Variants in SETD2 observed in about 807,000 individuals in gnomAD.
The protein encoded by SETD2 is histone-lysine N-methyltransferase SETD2.
In SETD2, 31 loss-of-function variants were observed where a neutral mutation model predicts 242.1. The ratio of observed to expected loss-of-function variants is 0.13; its 90% CI spans 0.10 to 0.17. The LOEUF (loss-of-function observed/expected upper bound fraction) is 0.17, where lower values mean the gene tolerates loss of function less well. Ranked by LOEUF, SETD2 falls within the 10% of genes least tolerant of loss-of-function variation. The pLI is 1.00. For missense variants in SETD2, 2,481 were observed against 3,046.3 expected, an observed-to-expected ratio of 0.81 and a Z score of 4.37; for synonymous variants, 1,006 against 1,066.5, an observed-to-expected ratio of 0.94 and a Z score of 1.11.
At chr3:47,145,153 T>G (rs555156646) in intron 1 of SETD2, among the ~76,000 whole-genome samples, 1 of 152,042 alleles carries the variant, frequency 6.6e-6, no homozygotes, top group East Asian at 1.9e-4. Flanking sequence ...TGAAAAAAAC[T>G]GCAGGTTGAG....
intron 11 of SETD2, among the ~76,000 whole-genome samples, chr3:47,085,771 T>G (rs925178221): frequency 1.3e-5 from 2 of 152,218 alleles, no homozygotes; most frequent in African/African-American, 4.8e-5. Context: ...TTTAAAACAC[T>G]TATTTAAAAG....
At chr3:47,034,841 G>A (rs1575665277) in intron 18 of SETD2, among the ~76,000 whole-genome samples, 1 of 152,212 alleles carries the variant, frequency 6.6e-6, no homozygotes, top group Admixed American at 6.5e-5. Context: ...GTGCTGAATA[G>A]GAACTCAAAT....
intron 1 of SETD2, among the ~76,000 whole-genome samples, chr3:47,128,474 A>G (rs1218117032): frequency 1.3e-5 from 2 of 152,258 alleles, no homozygotes; most frequent in African/African-American, 4.8e-5. Context: ...TCTGTTTTCA[A>G]TGTTCCTGAA....
intron 1 of SETD2, among the ~76,000 whole-genome samples, chr3:47,132,095 C>T (rs983490475): frequency 6.6e-6 from 1 of 150,788 alleles, no homozygotes; most frequent in Non-Finnish European, 1.5e-5. Context: ...TATTCTTATT[C>T]GAAAACTTTG....
In SETD2 at chr3:47,123,458, C is replaced by T. The variant is rs888313435; in HGVS notation, c.1178G>A (p.Arg393Gln). The T allele has an allele frequency of 1.0e-5, 16 of 1,551,344 alleles. No individual in the cohort carries two copies. Among genetic ancestry groups the T allele is most frequent in the Admixed American group, 2.0e-5 (1 of 50,956 alleles). ...CCGTCGCTCTCTTTCTGATCTACAT[C>T]GGGAAGATACATACCGAGTATCTCT... is the stretch of plus-strand genomic sequence containing the variant. ...LERDTRYVSS[R>Q]CRSERERRRS... is the part of the protein sequence containing the mutation. The change falls in exon 3 of 21, where the codon CGA (arginine) becomes CAA (glutamine). Residue 393 changes from arginine (R) to glutamine (Q), a missense_variant. Physicochemically the swap from Arg to Gln is conservative, Grantham distance 43. This residue lies in a region of SETD2 where 1,300 missense variants were observed against 1,259.2 expected (regional missense o/e 1.03). Coordinates refer to ENST00000409792, the MANE Select transcript of SETD2 (RefSeq NM_014159.7).
intron 1 of SETD2, among the ~76,000 whole-genome samples, chr3:47,162,839 G>A (rs1697531271): frequency 6.6e-6 from 1 of 152,186 alleles, no homozygotes; most frequent in Admixed American, 6.6e-5. Context: ...AGGGTTCAGG[G>A]AAAGAAGTGA....
chr3:47,025,357 T>A (rs2038426876), intron 18 of SETD2, among the ~76,000 whole-genome samples: 1 of 152,172 alleles, frequency 6.6e-6, no homozygotes, highest in Admixed American at 6.5e-5. Context: ...GCCTAACTAT[T>A]AACACTCTCC....
At chr3:47,057,600 C>G (rs942866750) in intron 14 of SETD2, 110 bp from the exon 15 acceptor site, 1 of 742,694 alleles carries the variant, frequency 1.3e-6, no homozygotes, top group Non-Finnish European at 2.2e-6. Context: ...ACATCAAACC[C>G]TATTTGGCAC....
chr3:47,066,923 C>T, intron 13 of SETD2, 147 bp downstream of exon 13: 2 of 608,416 alleles, frequency 3.3e-6, no homozygotes, highest in East Asian at 2.8e-5. Flanking sequence ...CACAAGTTTC[C>T]AAACTTTTAC....
intron 2 of SETD2, 118 bp from the exon 3 acceptor site, chr3:47,124,666 G>C: frequency 1.2e-6 from 1 of 831,488 alleles, no homozygotes; most frequent in Non-Finnish European, 1.8e-6. Flanking sequence ...CAAATAGTAT[G>C]AATTTCACTA....
At chr3:47,111,972 TTA>T (rs2042669397) in intron 5 of SETD2, among the ~76,000 whole-genome samples, 1 of 152,308 alleles carries the variant, frequency 6.6e-6, no homozygotes, top group East Asian at 1.9e-4. Context: ...GAAAGAATAG[TTA>T]TGTCTAAGTT....
intron 1 of SETD2, among the ~76,000 whole-genome samples, chr3:47,141,741 A>G (rs368780273): frequency 2.0e-5 from 3 of 152,214 alleles, no homozygotes; most frequent in East Asian, 1.9e-4. Flanking sequence ...AGTTTCTAGC[A>G]TAAGTTACCA....
intron 16 of SETD2, among the ~76,000 whole-genome samples, chr3:47,045,616 C>T (rs537300145): frequency 3.4e-5 from 5 of 145,042 alleles, no homozygotes; most frequent in East Asian, 2.1e-4. Context: ...GAGAATCACT[C>T]GAACCCAGGA....
In SETD2 at chr3:47,046,550, C is replaced by T. The variant is rs751178367; in HGVS notation, c.7035G>A (p.Val2345=). The T allele has an allele frequency of 6.2e-7, 1 of 1,613,274 alleles. No homozygotes were observed. The change falls in exon 16 of 21, where the codon GTG becomes GTA. Residue 2345 remains valine, a synonymous_variant. Coordinates refer to ENST00000409792, the MANE Select transcript of SETD2 (RefSeq NM_014159.7). Reference sequence around the variant, plus strand: ...TAGTCACTGCTGCGGCTGGCTGTACCACCACTCCTTGTGGATGAGCTGTGA... The same window carrying T: ...TAGTCACTGCTGCGGCTGGCTGTACTACCACTCCTTGTGGATGAGCTGTGA... The part of the protein sequence containing the change: ...QIFTAHPQGV[V]VQPAAAVTTI...
rs2043081892 is a variant in SETD2, at chr3:47,121,436, T to C, written c.3200A>G (p.Gln1067Arg). The change falls in exon 3 of 21, where the codon CAG becomes CGG. Residue 1067 changes from glutamine to arginine, a missense_variant. Gln to Arg is a conservative substitution (Grantham distance 43, BLOSUM62 1). Transcript: ENST00000409792. The part of the protein sequence containing the change: ...DDSSIPRNRL[Q>R]SVVVVPKNST... ...ATTCTTTGGCACAACCACAACAGAC[T>C]GGAGACGGTTTCTTGGAATACTGCT... The C allele has an allele frequency of 6.2e-7, 1 of 1,612,296 alleles. No homozygotes were observed. Among genetic ancestry groups the C allele is most frequent in the Non-Finnish European group, 8.5e-7 (1 of 1,180,012 alleles).
chr3:47,135,955 C>G (rs1420581277), intron 1 of SETD2, among the ~76,000 whole-genome samples: 1 of 152,154 alleles, frequency 6.6e-6, no homozygotes, highest in Non-Finnish European at 1.5e-5. Context: ...TAGGCTTTCA[C>G]AGACCACATT....
chr3:47,066,019 C>T (rs2040542639), intron 13 of SETD2, among the ~76,000 whole-genome samples: 1 of 152,120 alleles, frequency 6.6e-6, no homozygotes, highest in Non-Finnish European at 1.5e-5. Flanking sequence ...TGAAAGTCCA[C>T]TTATATGTGG....
intron 18 of SETD2, among the ~76,000 whole-genome samples, chr3:47,036,905 T>TAAAA (rs60186354): frequency 1.7e-5 from 2 of 117,888 alleles, no homozygotes; most frequent in African/African-American, 7.2e-5. Flanking sequence ...CCGTCTCATT[T>TAAAA]AAAAAAAAAA....
chr3:47,104,309 A>C (rs1003207036), intron 6 of SETD2, among the ~76,000 whole-genome samples: 1 of 152,098 alleles, frequency 6.6e-6, no homozygotes. Flanking sequence ...TGGGAAGTTG[A>C]GGCAGGAGGA....
Sources: allele counts gnomAD v4.1 joint callset (sites outside exome capture counted in the v4.1 genomes callset), GRCh38; gene constraint gnomAD v4.1.1; regional missense constraint gnomAD v4.1.1; transcripts MANE v1.5; gene names NCBI Gene and HGNC (gene_info 2026-07-23, HGNC 2026-07-21).